The following TRIM17 variants were observed in gnomAD, a reference collection of about 807,000 sequenced individuals.
The protein encoded by TRIM17 is E3 ubiquitin-protein ligase TRIM17.
A neutral mutation model predicts 35.8 loss-of-function variants in TRIM17; 27 were observed. The ratio of observed to expected loss-of-function variants is 0.75; its 90% CI spans 0.56 to 1.04. The LOEUF is 1.04. Among genes scored for constraint, TRIM17 ranks in the 50% least tolerant of loss-of-function variants. TRIM17 has a pLI of 0.00. For synonymous variants in TRIM17, 246 were observed against 252.6 expected, an observed-to-expected ratio of 0.97 and a Z score of 0.25; for missense variants, 582 against 612.8, an observed-to-expected ratio of 0.95 and a Z score of 0.53.
At chr1:228,414,027 C>T (rs181900954) in intron 2 of TRIM17, 135 bp from the exon 3 acceptor site, 4 of 690,258 alleles carry the variant, frequency 5.8e-6, no homozygotes, top group South Asian at 3.4e-5. Context: ...AAATACGTCA[C>T]CCAGAATGTG....
At position 228,415,175 on chromosome 1, in the gene TRIM17, T is replaced by C. The variant is rs1353047302; in HGVS notation, c.-41-62A>G. 2.2e-6 allele frequency: 3 copies of C among 1,344,248 alleles called. No individual in the cohort carries two copies. In the South Asian group the frequency reaches 4.5e-5, roughly 20 times the overall value. 83.3% of individuals were successfully genotyped at this position (1,344,248 alleles called of 1,614,324 possible). A position where few individuals can be genotyped will look rare whatever the true frequency, so the allele number is the denominator to read the frequency against. ...GCGCCGGCAGTGTGCAACCGTCCTG[T>C]ACAGCCTCCCTTTACAGAGGAGGGC... On this transcript the variant is annotated intron_variant, in intron 1 of 6. Transcript: ENST00000366698.
rs1360787834 is a variant in TRIM17 at position 228,410,392 on chromosome 1, C to G, written c.756+554G>C. On this transcript the variant is annotated intron_variant, in intron 4 of 6. Coordinates refer to ENST00000366698, the MANE Select transcript of TRIM17 (RefSeq NM_016102.4). This position sits in a 1 kb window ranked among gnomAD's most constrained non-coding sequence, Gnocchi z 4.6. ...CCTCCCCACTGCCGTTGCCACACAA[C>G]TCACTCCTGGGACAGTGCACCTCCT... Among the ~76,000 whole-genome samples, 1 of 152,086 alleles carries G rather than the reference C, an allele frequency of 6.6e-6. No individual in the cohort carries two copies. Among genetic ancestry groups the G allele is most frequent in the African/African-American group, 2.4e-5 (1 of 41,390 alleles).
At position 228,414,706 on chromosome 1, in the gene TRIM17, C is replaced by A. The variant is rs1369881331; in HGVS notation, c.367G>T (p.Glu123Ter). 1.9e-6 allele frequency: 3 copies of A among 1,612,234 alleles called. No homozygotes were observed. The highest frequency in any genetic ancestry group is 1.1e-5 in the South Asian group (1 of 91,016). Reference protein sequence around the residue: ...DQSPICVVCRESREHRLHRVL... With the variant: ...DQSPICVVCR ...CTGTGCAGCCGGTGCTCCCGGGACT[C>A]CCTGCACACCACACAGATGGGGCTC... Residue 123 changes from glutamate (E) to a stop codon, truncating the protein, a stop_gained, in exon 2 of 7, where the codon GAG (glutamate) becomes TAG (stop). Coordinates refer to ENST00000366698, the MANE Select transcript of TRIM17 (RefSeq NM_016102.4). LOFTEE classifies it high-confidence loss of function.
intron 3 of TRIM17, among the ~76,000 whole-genome samples, 193 bp downstream of exon 3, chr1:228,413,604 A>T (rs1656906254): frequency 2.0e-5 from 3 of 152,196 alleles, no homozygotes; most frequent in Admixed American, 2.0e-4. Flanking sequence ...TTGCCTTTTT[A>T]TCTTTTTCTC....
At position 228,410,028 on chromosome 1, in the gene TRIM17, C is replaced by T. The variant is rs976322501; in HGVS notation, c.757-617G>A. Among the ~76,000 whole-genome samples, 1 of 152,128 alleles carries T rather than the reference C, an allele frequency of 6.6e-6. No homozygotes were observed. The highest frequency in any genetic ancestry group is 1.5e-5 in the Non-Finnish European group (1 of 68,030). ...CATAGGAGCACCCTTCTACCAGCTG[C>T]AGGGGCTTTTCCCTCAGTTGGTCAG... On this transcript the variant is annotated intron_variant, in intron 4 of 6. Coordinates refer to ENST00000366698, the MANE Select transcript of TRIM17 (RefSeq NM_016102.4). The surrounding 1 kb of genome is among the most constrained non-coding windows in gnomAD (Gnocchi z 4.6).
chr1:228,414,630 C>G lies in TRIM17; in HGVS notation c.429+14G>C. ...CCTCCCCGGCCCCTTGACCTGGGCC[C>G]CGATGTGGCCTACCTTGTACCCCTG... is the stretch of plus-strand genomic sequence containing the variant. On this transcript the variant is annotated intron_variant, in intron 2 of 6. Transcript: ENST00000366698. 1 of 1,603,688 alleles carries G rather than the reference C, an allele frequency of 6.2e-7. No homozygotes were observed. The highest frequency in any genetic ancestry group is 8.5e-7 in the Non-Finnish European group (1 of 1,173,650).
chr1:228,411,298 A>T lies in TRIM17; in HGVS notation c.526-122T>A, dbSNP rs1656772812. 1 of 778,606 alleles carries T rather than the reference A, an allele frequency of 1.3e-6. No homozygotes were observed. The highest frequency in any genetic ancestry group is 1.7e-5 in the African/African-American group (1 of 58,016). The allele number at this position is 778,606 out of a possible 1,614,324, so 48.2% of individuals were successfully genotyped here. A position where few individuals can be genotyped will look rare whatever the true frequency, so the allele number is the denominator to read the frequency against. ...CCAGCAACTGGAGCTTTAGTTGGGG[A>T]CCAGGAACTGTGACAGAGGCCCCCA... On this transcript the variant is annotated intron_variant, in intron 3 of 6. Coordinates refer to ENST00000366698, the MANE Select transcript of TRIM17 (RefSeq NM_016102.4). This position sits in a 1 kb window ranked among gnomAD's most constrained non-coding sequence, Gnocchi z 4.2.
At position 228,414,634 on chromosome 1, in the gene TRIM17, T is replaced by C. The variant is rs1180647283; in HGVS notation, c.429+10A>G. Reference sequence around the variant, plus strand: ...CCCGGCCCCTTGACCTGGGCCCCGATGTGGCCTACCTTGTACCCCTGCACT... The same window carrying C: ...CCCGGCCCCTTGACCTGGGCCCCGACGTGGCCTACCTTGTACCCCTGCACT... On this transcript the variant is annotated intron_variant, in intron 2 of 6. Coordinates refer to ENST00000366698, the MANE Select transcript of TRIM17 (RefSeq NM_016102.4). The C allele has an allele frequency of 3.1e-6, 5 of 1,604,310 alleles. No homozygotes were observed. In the African/African-American group the frequency reaches 4.0e-5, roughly 13 times the overall value.
chr1:228,409,315 T>C, intron 5 of TRIM17, 40 bp from the exon 6 acceptor site: 1 of 1,610,322 alleles, frequency 6.2e-7, no homozygotes, highest in Non-Finnish European at 8.5e-7. Flanking sequence ...TTGACTCCCC[T>C]GGCCCGACAG....
chr1:228,408,995 A>G lies in TRIM17; in HGVS notation c.883+177T>C, dbSNP rs546641904. 2.8e-5 allele frequency: 44 copies of G among 1,548,000 alleles called. No individual in the cohort carries two copies. Among genetic ancestry groups the G allele is most frequent in the Non-Finnish European group, 3.5e-5 (40 of 1,144,736 alleles). On this transcript the variant is annotated intron_variant, in intron 6 of 6. Transcript: ENST00000366698. The surrounding 1 kb of genome is among the most constrained non-coding windows in gnomAD (Gnocchi z 6.3). ...CTGGGAACTCAACAAGATTCATCCCATGAATTAGAACCACCAGTAACGCCG... is the reference window on the plus strand; with the variant it reads ...CTGGGAACTCAACAAGATTCATCCCGTGAATTAGAACCACCAGTAACGCCG...
chr1:228,409,202 C>T lies in TRIM17; in HGVS notation c.853G>A (p.Gly285Arg), dbSNP rs145945297. The change falls in exon 6 of 7, where the codon GGA (glycine) becomes AGA (arginine). Residue 285 changes from glycine to arginine, a missense_variant. Coordinates refer to ENST00000366698, the MANE Select transcript of TRIM17 (RefSeq NM_016102.4). ...TRPRTVCRVP[G>R]QIEVLRGFLE... ...AAGCCTCTTAGCACTTCAATCTGTC[C>T]GGGAACTCTGCACACAGTCCTGGGT... is the stretch of plus-strand genomic sequence containing the variant. The T allele has an allele frequency of 1.2e-4, 196 of 1,613,914 alleles. No individual in the cohort carries two copies. Among genetic ancestry groups the T allele is most frequent in the Middle Eastern group, 3.3e-4 (2 of 6,082 alleles).
In TRIM17 at chr1:228,416,641, G is replaced by A. The variant is rs187444698; in HGVS notation, c.-144C>T. ...CACGAAGCCCAGGAGGCTGCGGCCC[G>A]GCCCGGGGCGTGGGGACCTGGGGTC... is the stretch of plus-strand genomic sequence containing the variant. On this transcript the variant is annotated 5_prime_UTR_variant, in exon 1 of 7. Transcript: ENST00000366698. The A allele has an allele frequency of 7.7e-4, 754 of 985,340 alleles. 3 individuals carry two copies. In the African/African-American group the frequency reaches 0.011, roughly 14 times the overall value. 61.0% of individuals were successfully genotyped at this position (985,340 alleles called of 1,614,324 possible). A position where few individuals can be genotyped will look rare whatever the true frequency, so the allele number is the denominator to read the frequency against.
chr1:228,409,083 C>A (rs760089627), intron 6 of TRIM17, 89 bp downstream of exon 6: 7 of 1,613,590 alleles, frequency 4.3e-6, no homozygotes, highest in Admixed American at 3.3e-5. Flanking sequence ...TAGAACCCCC[C>A]CCATTGGTGG....
chr1:228,416,113 A>C (rs1657107817), intron 1 of TRIM17: 1 of 156,302 alleles, frequency 6.4e-6, no homozygotes, highest in Non-Finnish European at 1.4e-5. Flanking sequence ...TGCAAGCACG[A>C]TTCTCCCCTT....
chr1:228,414,546 G>C, intron 2 of TRIM17, 98 bp downstream of exon 2: 1 of 1,112,774 alleles, frequency 9.0e-7, no homozygotes, highest in Admixed American at 2.0e-5. Flanking sequence ...GGGCCACTTT[G>C]TCCCTGGACA....
chr1:228,414,644 C>T lies in TRIM17; in HGVS notation c.429G>A (p.Lys143=). Residue 143 remains lysine (K), a splice_region_variant and synonymous_variant, in exon 2 of 7, where the codon AAG becomes AAA. Coordinates refer to ENST00000366698, the MANE Select transcript of TRIM17 (RefSeq NM_016102.4). ...LPAEEAVQGY[K]LKLEEDMEYL... Reference sequence around the variant, plus strand: ...TGACCTGGGCCCCGATGTGGCCTACCTTGTACCCCTGCACTGCCTCCTCGG... The same window carrying T: ...TGACCTGGGCCCCGATGTGGCCTACTTTGTACCCCTGCACTGCCTCCTCGG... 2 of 1,611,268 alleles carry T rather than the reference C, an allele frequency of 1.2e-6. No homozygotes were observed. The highest frequency in any genetic ancestry group is 1.7e-6 in the Non-Finnish European group (2 of 1,179,828).
In TRIM17 at chr1:228,411,039, G is replaced by C. The variant is rs996392612; in HGVS notation, c.663C>G (p.Ser221Arg). Residue 221 changes from serine (S) to arginine (R), a missense_variant, in exon 4 of 7, where the codon AGC becomes AGG. By Grantham distance (110) the Ser-to-Arg change is moderately radical. Coordinates refer to ENST00000366698, the MANE Select transcript of TRIM17 (RefSeq NM_016102.4). This position sits in a 1 kb window ranked among gnomAD's most constrained non-coding sequence, Gnocchi z 4.2. ...EEETASRLRE[S>R]VACLDRQGHS... ...GACCCTGCCGGTCCAGGCAGGCCAC[G>C]CTCTCCCGGAGCCTGCTGGCAGTCT... The C allele has an allele frequency of 1.2e-6, 2 of 1,613,486 alleles. No homozygotes were observed. The highest frequency in any genetic ancestry group is 4.5e-5 in the East Asian group (2 of 44,880).
chr1:228,413,998 C>T (rs1656941120), intron 2 of TRIM17, 106 bp from the exon 3 acceptor site: 1 of 848,720 alleles, frequency 1.2e-6, no homozygotes, highest in Non-Finnish European at 2.0e-6. Context: ...AGACCCTCCT[C>T]AGGAGGGGCA....
At position 228,414,696 on chromosome 1, in the gene TRIM17, T is replaced by C; in HGVS notation, c.377A>G (p.Glu126Gly). 1 of 1,611,974 alleles carries C rather than the reference T, an allele frequency of 6.2e-7. No individual in the cohort carries two copies. The highest frequency in any genetic ancestry group is 1.3e-5 in the African/African-American group (1 of 74,992). ...PICVVCRESR[E>G]HRLHRVLPAE... ...GGGCAGCACCCTGTGCAGCCGGTGCTCCCGGGACTCCCTGCACACCACACA... is the reference window on the plus strand; with the variant it reads ...GGGCAGCACCCTGTGCAGCCGGTGCCCCCGGGACTCCCTGCACACCACACA... The change falls in exon 2 of 7, where the codon GAG (glutamate) becomes GGG (glycine). Residue 126 changes from glutamate (E) to glycine (G), a missense_variant. Physicochemically the swap from Glu to Gly is moderately conservative, Grantham distance 98. Transcript: ENST00000366698.
Sources: allele counts gnomAD v4.1 joint callset (sites outside exome capture counted in the v4.1 genomes callset), GRCh38; gene constraint gnomAD v4.1.1; non-coding constraint Gnocchi (gnomAD v3.1); transcripts MANE v1.5; gene names NCBI Gene and HGNC (gene_info 2026-07-23, HGNC 2026-07-21).